COXFA4L2: variants seen among roughly 807,000 people sequenced by gnomAD.
COXFA4L2 encodes NADH dehydrogenase (ubiquinone) 1 alpha subcomplex, 4-like 2.
chr12:57,239,393 T>C, the COXFA4L2 span, among the ~76,000 whole-genome samples: 1 of 152,246 alleles, frequency 6.6e-6, no homozygotes, highest in Non-Finnish European at 1.5e-5. The surrounding 1 kb of genome is among the most constrained non-coding windows in gnomAD (Gnocchi z 5.5). Flanking sequence ...CAGTGGGTCC[T>C]GCAGCCTCCA....
the COXFA4L2 span, chr12:57,237,109 C>T: frequency 1.2e-4 from 188 of 1,614,096 alleles, no homozygotes; most frequent in Middle Eastern, 1.6e-4. Context: ...CAGTCTGGTC[C>T]TCTGCAGTGG....
At chr12:57,237,633 C>T in the COXFA4L2 span, among the ~76,000 whole-genome samples, 2 of 152,258 alleles carry the variant, frequency 1.3e-5, no homozygotes, top group Admixed American at 6.5e-5. Context: ...AAAGCTCCCC[C>T]AGCCCCTCTT....
At chr12:57,235,593 C>CTT in the COXFA4L2 span, 2 of 1,614,124 alleles carry the variant, frequency 1.2e-6, no homozygotes, top group Non-Finnish European at 1.7e-6. Context: ...TCTTCAGCTT[C>CTT]TTATAGTCAG....
the COXFA4L2 span, chr12:57,240,068 C>T: frequency 7.9e-5 from 12 of 152,202 alleles, no homozygotes; most frequent in Non-Finnish European, 1.5e-4. Context: ...GGAGGGGCGC[C>T]CGGAAAGGAA....
the COXFA4L2 span, chr12:57,235,870 C>CTCTGTAACCCTAAGAGCAGAGTCGTGGG: frequency 2.1e-6 from 3 of 1,435,100 alleles, no homozygotes; most frequent in Non-Finnish European, 2.8e-6. Flanking sequence ...CTCTGTAACC[C>CTCTGTAACCCTAAGAGCAGAGTCGTGGG]AATTTGACCC....
chr12:57,236,996 GGAGTTA>G, the COXFA4L2 span: 1 of 1,613,740 alleles, frequency 6.2e-7, no homozygotes, highest in East Asian at 2.2e-5. Context: ...AGGAGAGTTA[GGAGTTA>G]GAGGTTCTGA....
chr12:57,235,858 A>G, the COXFA4L2 span: 1 of 1,481,368 alleles, frequency 6.8e-7, no homozygotes. Flanking sequence ...TGGGACCCAG[A>G]ACTCTGTAAC....
chr12:57,235,212 C>T, the COXFA4L2 span: 1 of 319,324 alleles, frequency 3.1e-6, no homozygotes, highest in Admixed American at 4.4e-5. Context: ...GCCCCTGCTT[C>T]TTGTTGGCTC....
the COXFA4L2 span, chr12:57,237,393 G>A: frequency 7.6e-7 from 1 of 1,320,536 alleles, no homozygotes; most frequent in Admixed American, 3.2e-5. Context: ...AAGGACCTCA[G>A]TGGCATAGGA....
the COXFA4L2 span, among the ~76,000 whole-genome samples, chr12:57,239,364 G>A: frequency 1.4e-4 from 22 of 152,302 alleles, no homozygotes; most frequent in East Asian, 2.9e-3. This position sits in a 1 kb window ranked among gnomAD's most constrained non-coding sequence, Gnocchi z 5.5. Flanking sequence ...CCGTCACTCC[G>A]CCACTCCCGC....
the COXFA4L2 span, among the ~76,000 whole-genome samples, chr12:57,239,331 T>C: frequency 5.3e-5 from 8 of 152,164 alleles, no homozygotes; most frequent in Non-Finnish European, 8.8e-5. The surrounding 1 kb of genome is among the most constrained non-coding windows in gnomAD (Gnocchi z 5.5). Context: ...AGTTGGTGCC[T>C]GGAGTGTCCG....
chr12:57,236,630 A>C, the COXFA4L2 span: 4 of 1,584,840 alleles, frequency 2.5e-6, no homozygotes, highest in Middle Eastern at 1.7e-4. Context: ...CGCAGCAAGT[A>C]AAGCGCAGCG....
At chr12:57,237,034 G>C in the COXFA4L2 span, 1 of 1,614,186 alleles carries the variant, frequency 6.2e-7, no homozygotes, top group Non-Finnish European at 8.5e-7. Context: ...CTCACCCCCG[G>C]ATGTCTTTTG....
At chr12:57,235,671 C>T in the COXFA4L2 span, 5 of 1,612,686 alleles carry the variant, frequency 3.1e-6, no homozygotes, top group African/African-American at 4.0e-5. Context: ...CCTCCCTTTG[C>T]TTCTAGTACG....
the COXFA4L2 span, chr12:57,240,581 TCG>T: frequency 1.3e-6 from 1 of 780,450 alleles, no homozygotes; most frequent in Non-Finnish European, 1.6e-6. Context: ...ACACACACAC[TCG>T]CGCGCGCACG....
chr12:57,236,776 C>CCGGGT, the COXFA4L2 span: 2 of 1,191,880 alleles, frequency 1.7e-6, no homozygotes, highest in Non-Finnish European at 2.4e-6. Flanking sequence ...CAACCCCACC[C>CCGGGT]CGGGTCTGGT....
chr12:57,237,371 G>T, the COXFA4L2 span: 1 of 1,368,370 alleles, frequency 7.3e-7, no homozygotes. Context: ...TGGGGCTTCT[G>T]GCATCTGAGG....
the COXFA4L2 span, among the ~76,000 whole-genome samples, chr12:57,238,240 C>T: frequency 1.3e-5 from 2 of 152,078 alleles, no homozygotes; most frequent in Non-Finnish European, 2.9e-5. The surrounding 1 kb of genome is among the most constrained non-coding windows in gnomAD (Gnocchi z 6.8). Flanking sequence ...TTCTAGGGTC[C>T]GCCTCCCTTT....
chr12:57,237,233 C>G, the COXFA4L2 span: 1 of 1,499,086 alleles, frequency 6.7e-7, no homozygotes, highest in Non-Finnish European at 8.9e-7. Context: ...CCCACCCCAA[C>G]TTAGCTCACT....
Sources: allele counts gnomAD v4.1 joint callset (sites outside exome capture counted in the v4.1 genomes callset), GRCh38; gene constraint gnomAD v4.1.1; non-coding constraint Gnocchi (gnomAD v3.1); transcripts MANE v1.5; gene names NCBI Gene and HGNC (gene_info 2026-07-23, HGNC 2026-07-21).